The following RPS6KA2 variants were observed in gnomAD, a reference collection of about 807,000 sequenced individuals.
RPS6KA2 encodes ribosomal protein S6 kinase alpha-2.
Under a neutral mutation model 91.8 loss-of-function variants are expected in RPS6KA2, and 42 were observed. The ratio of observed to expected loss-of-function variants is 0.46; its 90% CI spans 0.36 to 0.59. The LOEUF is 0.59. RPS6KA2 is among the 20% of genes least tolerant of loss of function. RPS6KA2 has a pLI of 0.00. For synonymous variants in RPS6KA2, 414 were observed against 393.6 expected (o/e 1.05, Z -0.61); for missense variants, 798 against 978.5 (o/e 0.82, Z 2.46).
intron 1 of RPS6KA2, among the ~76,000 whole-genome samples, chr6:166,590,900 A>G (rs1180537037): frequency 6.6e-6 from 1 of 152,220 alleles, no homozygotes; most frequent in Admixed American, 6.5e-5. Flanking sequence ...GGATTTAAAA[A>G]CAGATTAAAA....
At chr6:166,595,941 T>C (rs979829721) in intron 1 of RPS6KA2, among the ~76,000 whole-genome samples, 28 of 152,234 alleles carry the variant, frequency 1.8e-4, no homozygotes, top group South Asian at 1.0e-3. Flanking sequence ...TTAGAACTTA[T>C]TGTAATAGTA....
At chr6:166,790,090 T>C (rs1457741192) in intron 2 of RPS6KA2, among the ~76,000 whole-genome samples, 4 of 151,800 alleles carry the variant, frequency 2.6e-5, no homozygotes, top group Non-Finnish European at 5.9e-5. Context: ...TTCACACCAA[T>C]GGCAAAGAAG....
chr6:166,609,699 C>T (rs1360007883), intron 1 of RPS6KA2, among the ~76,000 whole-genome samples: 2 of 152,064 alleles, frequency 1.3e-5, no homozygotes. Context: ...GGGGCTTCAC[C>T]ATGTTGGTCA....
chr6:166,757,914 C>T (rs764379437), intron 2 of RPS6KA2: 1 of 215,148 alleles, frequency 4.6e-6, no homozygotes, highest in Non-Finnish European at 9.4e-6. Flanking sequence ...TGCGAAGTTA[C>T]TCATGCTGCT....
chr6:166,438,935 A>G (rs1326684098), intron 14 of RPS6KA2, among the ~76,000 whole-genome samples: 1 of 152,216 alleles, frequency 6.6e-6, no homozygotes, highest in African/African-American at 2.4e-5. Context: ...AAAATTCTCA[A>G]TGAATGAAAA....
intron 2 of RPS6KA2, among the ~76,000 whole-genome samples, chr6:166,823,434 AGTGTGTGTGTGTGTGTGTGTGT>A (rs56187218): frequency 6.8e-6 from 1 of 147,986 alleles, no homozygotes; most frequent in Non-Finnish European, 1.5e-5. Context: ...TTGGTTTTGC[AGTGTGTGTGTGTGTGTGTGTGT>A]GTGTGTGTGT....
At chr6:166,679,773 C>T (rs189211128) in intron 2 of RPS6KA2, among the ~76,000 whole-genome samples, 30 of 152,264 alleles carry the variant, frequency 2.0e-4, no homozygotes, top group African/African-American at 7.0e-4. Context: ...GCGGCGCGGG[C>T]GGGAGCTGGG....
chr6:166,840,533 T>C (rs985605983), intron 2 of RPS6KA2, among the ~76,000 whole-genome samples: 5 of 152,168 alleles, frequency 3.3e-5, no homozygotes, highest in African/African-American at 1.2e-4. Context: ...TGCTTTCCTT[T>C]CCTCGCCATT....
chr6:166,507,548 A>C (rs111210803), intron 5 of RPS6KA2, among the ~76,000 whole-genome samples: 75 of 151,480 alleles, frequency 5.0e-4, no homozygotes, highest in Middle Eastern at 3.4e-3. Flanking sequence ...TATAGCACAC[A>C]CACACCCACA....
chr6:166,653,342 T>G (rs1787917380), intron 2 of RPS6KA2, among the ~76,000 whole-genome samples: 1 of 152,230 alleles, frequency 6.6e-6, no homozygotes, highest in African/African-American at 2.4e-5. Flanking sequence ...ATTACAGGCG[T>G]GAGCCGCCCT....
rs534082281 is a variant in RPS6KA2 at position 166,444,665 on chromosome 6, C to T, written c.1332+4059G>A. 9.8e-5 allele frequency among the ~76,000 whole-genome samples: 15 copies of T among 152,306 alleles called. 1 individual carries two copies. In the South Asian group the frequency reaches 2.9e-3, roughly 29 times the overall value. On this transcript the variant is annotated intron_variant, in intron 14 of 20. Coordinates refer to ENST00000265678, the MANE Select transcript of RPS6KA2 (RefSeq NM_021135.6). ...GGAAGAGGGTCGGTGTCTTCCCGCC[C>T]GAGGCCGGACTGCCCCAGTGAAGGA...
intron 2 of RPS6KA2, among the ~76,000 whole-genome samples, chr6:166,713,064 G>A (rs986719224): frequency 4.6e-5 from 7 of 152,224 alleles, no homozygotes; most frequent in African/African-American, 9.6e-5. Flanking sequence ...TGGAGGTGGC[G>A]TCCTTCCCCA....
chr6:166,796,799 C>T (rs941983927), intron 2 of RPS6KA2, among the ~76,000 whole-genome samples: 1 of 150,596 alleles, frequency 6.6e-6, no homozygotes, highest in African/African-American at 2.5e-5. Context: ...ACGAGTCACT[C>T]ACAACTGCAC....
intron 3 of RPS6KA2, among the ~76,000 whole-genome samples, chr6:166,515,531 A>G (rs1782617247): frequency 1.3e-5 from 2 of 152,226 alleles, no homozygotes; most frequent in African/African-American, 4.8e-5. Context: ...TGCACCAGAG[A>G]GGACACTCTG....
chr6:166,423,193 G>C lies in RPS6KA2; in HGVS notation c.1743+63C>G. 1 of 1,511,718 alleles carries C rather than the reference G, an allele frequency of 6.6e-7. No individual in the cohort carries two copies. The highest frequency in any genetic ancestry group is 2.3e-5 in the East Asian group (1 of 43,346). The allele number at this position is 1,511,718 out of a possible 1,614,324, so 93.6% of individuals were successfully genotyped here. A position where few individuals can be genotyped will look rare whatever the true frequency, so the allele number is the denominator to read the frequency against. On this transcript the variant is annotated intron_variant, in intron 17 of 20. Transcript: ENST00000265678. This position sits in a 1 kb window ranked among gnomAD's most constrained non-coding sequence, Gnocchi z 4.8. ...CCCGCTGTCCGGTGGCTCTGCAGTG[G>C]GAGGGGGCAGAGCCTGTCTTTGCGG...
intron 2 of RPS6KA2, among the ~76,000 whole-genome samples, chr6:166,690,626 G>T (rs1001072603): frequency 2.0e-5 from 3 of 152,184 alleles, no homozygotes; most frequent in African/African-American, 7.2e-5. Context: ...TCCTCTCTGT[G>T]GATGAGGACA....
intron 2 of RPS6KA2, chr6:166,701,912 G>C: frequency 9.0e-7 from 1 of 1,111,946 alleles, no homozygotes; most frequent in Admixed American, 1.7e-5. Flanking sequence ...TTTAGTGTCT[G>C]TGTCTTGCTC....
intron 2 of RPS6KA2, among the ~76,000 whole-genome samples, chr6:166,780,276 C>T (rs906244035): frequency 3.9e-5 from 6 of 152,212 alleles, no homozygotes; most frequent in African/African-American, 1.4e-4. Context: ...GCAGTCACCT[C>T]GGAGTATGTG....
chr6:166,527,113 T>G (rs1406078192), intron 3 of RPS6KA2, among the ~76,000 whole-genome samples: 1 of 152,204 alleles, frequency 6.6e-6, no homozygotes, highest in Non-Finnish European at 1.5e-5. Flanking sequence ...AGGTCAGCCC[T>G]GAGGGAGTCC....
Sources: gnomAD v4.1 joint callset for allele counts (sites outside exome capture counted in the v4.1 genomes callset) on GRCh38, gnomAD v4.1.1 for gene constraint, Gnocchi (gnomAD v3.1) non-coding constraint, MANE v1.5 for transcripts, NCBI Gene and HGNC (gene_info 2026-07-23, HGNC 2026-07-21) for gene names.